The following RAB38 variants were observed in gnomAD, a reference collection of about 807,000 sequenced individuals.
RAB38 encodes ras-related protein Rab-38.
In RAB38, 15 loss-of-function variants were observed where a neutral mutation model predicts 18.4. The observed-to-expected ratio is 0.82, with a 90% CI of 0.55 to 1.26. The LOEUF is 1.26. RAB38 is among the 50% of genes most tolerant of loss of function. The pLI, the probability that RAB38 is intolerant of heterozygous loss-of-function variation, is 0.00. For missense variants in RAB38, 294 were observed against 267.4 expected (o/e 1.10, Z -0.69); for synonymous variants, 101 against 104.4 (o/e 0.97, Z 0.20).
chr11:88,112,090 T>C (rs1422423874), downstream of RAB38, among the ~76,000 whole-genome samples: 1 of 152,236 alleles, frequency 6.6e-6, no homozygotes, highest in Admixed American at 6.5e-5. Context: ...CTCATATAAG[T>C]AGAGTATCTA....
chr11:87,894,883 C>T, the RAB38 span, among the ~76,000 whole-genome samples: 1 of 151,330 alleles, frequency 6.6e-6, no homozygotes, highest in African/African-American at 2.4e-5. Context: ...ACTAGAACTA[C>T]AGATATATTG....
At chr11:88,127,589 A>T (rs1030996492) in intron 2 of RAB38, among the ~76,000 whole-genome samples, 8 of 152,206 alleles carry the variant, frequency 5.3e-5, no homozygotes, top group Non-Finnish European at 1.0e-4. Context: ...ACCCTCACCT[A>T]AGTAGTGCTA....
the RAB38 span, chr11:87,879,545 C>T: frequency 6.6e-6 from 1 of 151,646 alleles, no homozygotes; most frequent in Admixed American, 6.6e-5. Flanking sequence ...TGGAGTGGTT[C>T]TGCTGTCACC....
the RAB38 span, among the ~76,000 whole-genome samples, chr11:88,020,764 G>A: frequency 2.0e-5 from 3 of 151,970 alleles, no homozygotes; most frequent in South Asian, 2.1e-4. Flanking sequence ...GAACACAATC[G>A]AATGAAACTA....
the RAB38 span, among the ~76,000 whole-genome samples, chr11:88,087,043 T>A: frequency 2.0e-5 from 3 of 151,902 alleles, no homozygotes; most frequent in African/African-American, 7.2e-5. Flanking sequence ...CAACTAAGAA[T>A]TAACAGGTAA....
chr11:87,915,769 G>T, the RAB38 span, among the ~76,000 whole-genome samples: 148 of 152,164 alleles, frequency 9.7e-4, no homozygotes, highest in African/African-American at 3.4e-3. Flanking sequence ...ATTCTTTCTT[G>T]TGTGAGATCC....
the RAB38 span, among the ~76,000 whole-genome samples, chr11:87,952,343 T>C: frequency 1.2e-3 from 185 of 152,280 alleles, 1 homozygote; most frequent in African/African-American, 4.4e-3. Flanking sequence ...TAGGACATTC[T>C]CTCGAAGCTA....
chr11:87,961,791 G>A, the RAB38 span, among the ~76,000 whole-genome samples: 6 of 152,290 alleles, frequency 3.9e-5, no homozygotes, highest in South Asian at 1.2e-3. Context: ...ATTGTCTTTA[G>A]CTCTAAGAGA....
chr11:88,168,131 A>G (rs1416080303), intron 1 of RAB38, among the ~76,000 whole-genome samples: 1 of 152,200 alleles, frequency 6.6e-6, no homozygotes, highest in African/African-American at 2.4e-5. Flanking sequence ...ACAATTATGT[A>G]CCAGGTGTCA....
At chr11:87,804,647 T>A in the RAB38 span, among the ~76,000 whole-genome samples, 4 of 152,092 alleles carry the variant, frequency 2.6e-5, no homozygotes, top group Admixed American at 2.0e-4. Context: ...GTCTCGGAAG[T>A]AAGGCAAGAA....
chr11:87,819,385 G>A, the RAB38 span, among the ~76,000 whole-genome samples: 3 of 152,128 alleles, frequency 2.0e-5, no homozygotes, highest in South Asian at 2.1e-4. Flanking sequence ...AGATAGTGTG[G>A]AGAGATTTCC....
chr11:88,032,350 C>G, the RAB38 span, among the ~76,000 whole-genome samples: 17 of 152,250 alleles, frequency 1.1e-4, no homozygotes, highest in South Asian at 3.5e-3. Flanking sequence ...ACACCAAAAG[C>G]AATGGCAACC....
At chr11:87,934,336 T>G in the RAB38 span, among the ~76,000 whole-genome samples, 1 of 152,128 alleles carries the variant, frequency 6.6e-6, no homozygotes, top group Non-Finnish European at 1.5e-5. Context: ...CGATCCCCCT[T>G]TGGTATGATA....
the RAB38 span, among the ~76,000 whole-genome samples, chr11:87,919,280 G>T: frequency 6.6e-6 from 1 of 151,816 alleles, no homozygotes; most frequent in African/African-American, 2.4e-5. Context: ...TTGTGGAACA[G>T]TTCTACTTAA....
At chr11:88,118,955 A>G (rs1351959646) in intron 2 of RAB38, among the ~76,000 whole-genome samples, 1 of 152,196 alleles carries the variant, frequency 6.6e-6, no homozygotes, top group Admixed American at 6.5e-5. Context: ...AAAAAGCTTA[A>G]GTAACTTATC....
chr11:87,943,626 T>G, the RAB38 span, among the ~76,000 whole-genome samples: 2 of 152,172 alleles, frequency 1.3e-5, no homozygotes, highest in Admixed American at 1.3e-4. Context: ...GTTTGTGTAG[T>G]GTAAGAGGAT....
the RAB38 span, among the ~76,000 whole-genome samples, chr11:87,899,549 C>G: frequency 6.6e-6 from 1 of 151,558 alleles, no homozygotes; most frequent in East Asian, 2.0e-4. Flanking sequence ...ACCTTAATTA[C>G]TAAATAGGTC....
chr11:88,157,680 G>A (rs531274194), intron 1 of RAB38, among the ~76,000 whole-genome samples: 10 of 151,988 alleles, frequency 6.6e-5, no homozygotes, highest in African/African-American at 1.2e-4. Context: ...AAGCATTACC[G>A]AAATCTCTCA....
chr11:88,011,308 A>G, the RAB38 span, among the ~76,000 whole-genome samples: 3 of 152,198 alleles, frequency 2.0e-5, 1 homozygote, highest in Admixed American at 2.0e-4. Context: ...ACGTTGTATA[A>G]GATAGGGTTC....
Sources: allele counts gnomAD v4.1 joint callset (sites outside exome capture counted in the v4.1 genomes callset), GRCh38; gene constraint gnomAD v4.1.1; transcripts MANE v1.5; gene names NCBI Gene and HGNC (gene_info 2026-07-23, HGNC 2026-07-21).